HVCN1: variants seen among roughly 807,000 people sequenced by gnomAD.
The protein encoded by HVCN1 is hydrogen voltage gated channel 1.
A neutral mutation model predicts 29.2 loss-of-function variants in HVCN1; 14 were observed. The observed-to-expected ratio is 0.48, with a 90% CI of 0.32 to 0.75. HVCN1 has a LOEUF of 0.75. HVCN1 is among the 30% of genes least tolerant of loss of function. HVCN1 has a pLI of 0.04. For missense variants in HVCN1, 263 were observed against 341.8 expected (o/e 0.77, Z 1.82); for synonymous variants, 131 against 133.2 (o/e 0.98, Z 0.11).
chr12:110,664,370 A>G (rs915199920), intron 3 of HVCN1, among the ~76,000 whole-genome samples: 1 of 152,224 alleles, frequency 6.6e-6, no homozygotes, highest in Non-Finnish European at 1.5e-5. Context: ...TAAAAGAAAG[A>G]TATGGAAGAA....
intron 3 of HVCN1, among the ~76,000 whole-genome samples, chr12:110,679,276 G>A (rs552249630): frequency 6.6e-6 from 1 of 152,220 alleles, no homozygotes; most frequent in Non-Finnish European, 1.5e-5. Flanking sequence ...TGCACCAAGG[G>A]CCTCTGCATG....
chr12:110,656,744 G>A (rs1341721687), intron 4 of HVCN1, among the ~76,000 whole-genome samples: 2 of 152,200 alleles, frequency 1.3e-5, no homozygotes, highest in African/African-American at 4.8e-5. Context: ...CTTTCAACCT[G>A]TAGGTAATTA....
intron 3 of HVCN1, among the ~76,000 whole-genome samples, chr12:110,672,110 G>A (rs1023210427): frequency 6.6e-6 from 1 of 152,134 alleles, no homozygotes; most frequent in African/African-American, 2.4e-5. Flanking sequence ...GAGGGGATTG[G>A]CCCTAAACCA....
At chr12:110,670,317 C>T (rs2068532102) in intron 3 of HVCN1, among the ~76,000 whole-genome samples, 1 of 152,136 alleles carries the variant, frequency 6.6e-6, no homozygotes, top group Non-Finnish European at 1.5e-5. Flanking sequence ...GAAAGTCAGC[C>T]AACTCCCAAC....
intron 3 of HVCN1, among the ~76,000 whole-genome samples, chr12:110,665,054 C>A (rs2136318373): frequency 1.3e-5 from 2 of 152,250 alleles, no homozygotes; most frequent in Non-Finnish European, 2.9e-5. Flanking sequence ...TTACACTCAT[C>A]CCAACAAAGC....
intron 2 of HVCN1, among the ~76,000 whole-genome samples, chr12:110,698,930 C>T (rs901060886): frequency 2.6e-5 from 4 of 152,182 alleles, no homozygotes; most frequent in African/African-American, 9.7e-5. Context: ...GAGTTCGAGA[C>T]CAACCTGGCC....
rs893289135 is a variant in HVCN1 at position 110,697,043 on chromosome 12, G to C, written c.-104+5266C>G. Among the ~76,000 whole-genome samples the C allele has an allele frequency of 1.3e-5, 2 of 151,968 alleles. 1 individual carries two copies. Among genetic ancestry groups the C allele is most frequent in the Admixed American group, 1.3e-4 (2 of 15,252 alleles). On this transcript the variant is annotated intron_variant, in intron 2 of 4. Transcript: ENST00000546713. ...GAACTGTGGGTGGCATGGACATGTAGGGGAGAGGAAGGGGCAGAGCACCGG... is the reference window on the plus strand; with the variant it reads ...GAACTGTGGGTGGCATGGACATGTACGGGAGAGGAAGGGGCAGAGCACCGG...
chr12:110,677,854 C>T (rs1451012010), intron 3 of HVCN1, among the ~76,000 whole-genome samples: 1 of 152,044 alleles, frequency 6.6e-6, no homozygotes, highest in African/African-American at 2.4e-5. Context: ...CCCAGGTTCC[C>T]CTAAAGCCAT....
chr12:110,661,893 C>T lies in HVCN1; in HGVS notation c.22-445G>A, dbSNP rs1257870113. On this transcript the variant is annotated intron_variant, in intron 3 of 7. Coordinates refer to ENST00000242607, the MANE Select transcript of HVCN1 (RefSeq NM_032369.4). This position sits in a 1 kb window ranked among gnomAD's most constrained non-coding sequence, Gnocchi z 6.2. ...GAAAAGTCACGAGATCCCCACCCAT[C>T]ACGCCACACATCCTGACAGGCGCGT... Among the ~76,000 whole-genome samples, 2 of 152,210 alleles carry T rather than the reference C, an allele frequency of 1.3e-5. No homozygotes were observed. Among genetic ancestry groups the T allele is most frequent in the Non-Finnish European group, 1.5e-5 (1 of 68,032 alleles).
At chr12:110,698,619 T>G (rs1164972914) in intron 2 of HVCN1, among the ~76,000 whole-genome samples, 1 of 152,198 alleles carries the variant, frequency 6.6e-6, no homozygotes, top group Non-Finnish European at 1.5e-5. Context: ...AGAGGTCATG[T>G]GATCATCAAA....
intron 5 of HVCN1, among the ~76,000 whole-genome samples, chr12:110,651,896 G>A (rs2067825905): frequency 6.6e-6 from 1 of 152,234 alleles, no homozygotes. Flanking sequence ...TAAGCTGGGT[G>A]TGGTGGCTCG....
At chr12:110,678,846 C>T (rs73194015) in intron 3 of HVCN1, among the ~76,000 whole-genome samples, 12,163 of 152,220 alleles carry the variant, frequency 0.08, 532 homozygotes, top group Middle Eastern at 0.11. Flanking sequence ...TGGGGGGACA[C>T]GCTTTGCCTA....
chr12:110,703,448 A>G (rs1280425603), intron 1 of HVCN1, among the ~76,000 whole-genome samples: 1 of 152,024 alleles, frequency 6.6e-6, no homozygotes, highest in Non-Finnish European at 1.5e-5. Flanking sequence ...TCTTGTGGCG[A>G]TCCAAGCAGA....
intron 4 of HVCN1, 134 bp from the exon 5 acceptor site, chr12:110,655,472 T>C: frequency 1.5e-6 from 1 of 651,202 alleles, no homozygotes; most frequent in East Asian, 2.8e-5. Flanking sequence ...AGGCTACTGC[T>C]ATAGCTCGCC....
intron 3 of HVCN1, among the ~76,000 whole-genome samples, chr12:110,677,906 C>T (rs1157336282): frequency 7.9e-5 from 12 of 152,188 alleles, no homozygotes; most frequent in Admixed American, 7.9e-4. Flanking sequence ...AGGAACCCTC[C>T]TGCCTGATAG....
intron 4 of HVCN1, among the ~76,000 whole-genome samples, chr12:110,655,657 C>T (rs575201385): frequency 6.6e-6 from 1 of 152,258 alleles, no homozygotes; most frequent in African/African-American, 2.4e-5. Flanking sequence ...TTCCCAAATA[C>T]CACCTCTCAA....
At chr12:110,665,700 T>C (rs2136321979) in intron 3 of HVCN1, among the ~76,000 whole-genome samples, 1 of 151,842 alleles carries the variant, frequency 6.6e-6, no homozygotes, top group South Asian at 2.1e-4. Flanking sequence ...AATACAGAAA[T>C]GGAATCTACA....
chr12:110,672,701 C>G (rs929625066), intron 3 of HVCN1, among the ~76,000 whole-genome samples: 1 of 152,108 alleles, frequency 6.6e-6, no homozygotes, highest in Admixed American at 6.5e-5. Flanking sequence ...TGGAGGCACC[C>G]GGGGGAGGTA....
At position 110,649,283 on chromosome 12, in the gene HVCN1, G is replaced by T; in HGVS notation, c.*127C>A. On this transcript the variant is annotated 3_prime_UTR_variant, in exon 8 of 8. Transcript: ENST00000242607. ...GCTGTGTCCACCCAGAATCCATGCT[G>T]GCAGGAGGGAGGCAGAGGTATCAAA... The T allele has an allele frequency of 1.3e-6, 1 of 742,876 alleles. No individual in the cohort carries two copies. The highest frequency in any genetic ancestry group is 2.4e-6 in the Non-Finnish European group (1 of 417,852). The allele number at this position is 742,876 out of a possible 1,614,324, so 46.0% of individuals were successfully genotyped here.
Sources: gnomAD v4.1 joint callset for allele counts (sites outside exome capture counted in the v4.1 genomes callset) on GRCh38, gnomAD v4.1.1 for gene constraint, Gnocchi (gnomAD v3.1) non-coding constraint, MANE v1.5 for transcripts, NCBI Gene and HGNC (gene_info 2026-07-23, HGNC 2026-07-21) for gene names.